Variants in MALRD1 observed in about 807,000 individuals in gnomAD.
MALRD1 encodes MAM and LDL-receptor class A domain-containing protein 1.
In MALRD1, 247 loss-of-function variants were observed where a neutral mutation model predicts 242.1. The observed-to-expected ratio is 1.02, with a 90% CI of 0.92 to 1.13. The LOEUF is 1.13. MALRD1 is among the 50% of genes most tolerant of loss of function. The pLI, the probability that MALRD1 is intolerant of heterozygous loss-of-function variation, is 0.00. For synonymous variants in MALRD1, 995 were observed against 866.6 expected (o/e 1.15, Z -2.60); for missense variants, 2,989 against 2,533.1 (o/e 1.18, Z -3.86).
intron 39 of MALRD1, among the ~76,000 whole-genome samples, chr10:19,732,332 G>A (rs1431870473): frequency 2.0e-5 from 3 of 152,034 alleles, no homozygotes; most frequent in Admixed American, 2.0e-4. Context: ...GTGTGATCTC[G>A]ACTCACTGCA....
At chr10:19,427,124 A>C (rs10508585) in intron 28 of MALRD1, among the ~76,000 whole-genome samples, 2 of 152,062 alleles carry the variant, frequency 1.3e-5, no homozygotes, top group African/African-American at 4.8e-5. Flanking sequence ...TCCATTTTTA[A>C]TCCTTAGAAC....
chr10:19,490,083 G>GGAA (rs573243285), intron 29 of MALRD1, among the ~76,000 whole-genome samples: 31 of 152,144 alleles, frequency 2.0e-4, no homozygotes, highest in Admixed American at 1.8e-3. Context: ...GAAAGTCACT[G>GGAA]GAATCACTTT....
chr10:19,132,764 A>G (rs955757967), intron 8 of MALRD1, among the ~76,000 whole-genome samples: 18 of 152,178 alleles, frequency 1.2e-4, no homozygotes, highest in African/African-American at 4.1e-4. Flanking sequence ...TGCATTCTAT[A>G]TGTAAACATT....
intron 4 of MALRD1, among the ~76,000 whole-genome samples, chr10:19,094,667 C>G (rs1835955071): frequency 6.6e-6 from 1 of 152,162 alleles, no homozygotes; most frequent in Non-Finnish European, 1.5e-5. Context: ...TTTTCTCATG[C>G]TTTTGAGAAA....
intron 38 of MALRD1, among the ~76,000 whole-genome samples, chr10:19,714,548 A>G (rs73595902): frequency 0.067 from 10,259 of 152,032 alleles, 659 homozygotes; most frequent in African/African-American, 0.16. Flanking sequence ...TTGGGCAAGA[A>G]AACAAAAATG....
chr10:19,644,295 G>T (rs1840548925), intron 36 of MALRD1, among the ~76,000 whole-genome samples: 1 of 152,060 alleles, frequency 6.6e-6, no homozygotes, highest in South Asian at 2.1e-4. Flanking sequence ...AAATTCTGTG[G>T]GATACTCTCT....
chr10:19,734,058 A>G (rs1431646932), intron 39 of MALRD1, 99 bp from the exon 40 acceptor site: 2 of 880,580 alleles, frequency 2.3e-6, no homozygotes, highest in African/African-American at 3.4e-5. Flanking sequence ...TCCAGTGAAA[A>G]TCCATTGGGA....
At chr10:19,438,571 C>A (rs1834455357) in intron 28 of MALRD1, among the ~76,000 whole-genome samples, 1 of 152,174 alleles carries the variant, frequency 6.6e-6, no homozygotes, top group East Asian at 1.9e-4. Context: ...TCCTATAGAA[C>A]CTCCATACTG....
At chr10:19,247,657 TA>T (rs1839121822) in intron 18 of MALRD1, among the ~76,000 whole-genome samples, 1 of 151,702 alleles carries the variant, frequency 6.6e-6, no homozygotes, top group African/African-American at 2.4e-5. Context: ...CACATGTAAA[TA>T]ATAAAAAAGA....
intron 21 of MALRD1, among the ~76,000 whole-genome samples, chr10:19,312,889 C>T (rs576471244): frequency 4.5e-4 from 68 of 151,424 alleles, no homozygotes; most frequent in South Asian, 8.3e-4. Context: ...GGCAGGGAAA[C>T]GATCAGTGGC....
At chr10:19,572,988 A>G (rs1836636803) in intron 33 of MALRD1, among the ~76,000 whole-genome samples, 1 of 152,220 alleles carries the variant, frequency 6.6e-6, no homozygotes, top group African/African-American at 2.4e-5. Flanking sequence ...AGCTTGGGAT[A>G]CTTTGTTACT....
At chr10:19,096,804 T>A (rs1440663618) in intron 4 of MALRD1, among the ~76,000 whole-genome samples, 1 of 152,180 alleles carries the variant, frequency 6.6e-6, no homozygotes, top group African/African-American at 2.4e-5. Context: ...ATCCTTCCTT[T>A]AAAAATGTCC....
Position 19,088,054 on chromosome 10 carries a change from A to G in MALRD1, c.466A>G (p.Ser156Gly). Residue 156 changes from serine to glycine, a missense_variant, in exon 4 of 40, where the codon AGT (serine) becomes GGT (glycine). Transcript: ENST00000454679. Reference sequence around the variant, plus strand: ...ATTTTATTACTTCTCCTGCCAAGTGAGTGGCAAATTAATGGTTGGGCTTCA... The same window carrying G: ...ATTTTATTACTTCTCCTGCCAAGTGGGTGGCAAATTAATGGTTGGGCTTCA... ...ITFYYFSCQV[S>G]GKLMVGLQTA... is the part of the protein sequence containing the mutation. The G allele has an allele frequency of 1.6e-6, 2 of 1,233,532 alleles. No homozygotes were observed. Among genetic ancestry groups the G allele is most frequent in the East Asian group, 6.3e-5 (2 of 31,670 alleles). 76.4% of individuals were successfully genotyped at this position (1,233,532 alleles called of 1,614,324 possible).
intron 18 of MALRD1, among the ~76,000 whole-genome samples, chr10:19,232,291 CA>C (rs746435506): frequency 1.6e-4 from 25 of 151,604 alleles, no homozygotes; most frequent in East Asian, 3.9e-4. Flanking sequence ...CTCAGTCTCC[CA>C]AGTAGCTGGG....
chr10:19,720,204 G>A (rs1461770652), intron 38 of MALRD1, among the ~76,000 whole-genome samples: 1 of 152,118 alleles, frequency 6.6e-6, no homozygotes, highest in African/African-American at 2.4e-5. Context: ...TCTCTAAGGC[G>A]TTGTTGTGCT....
intron 28 of MALRD1, among the ~76,000 whole-genome samples, chr10:19,429,935 G>A (rs976410962): frequency 2.0e-5 from 3 of 151,888 alleles, no homozygotes; most frequent in East Asian, 1.9e-4. Context: ...TGTCATAGAC[G>A]CTTTCAGAAT....
intron 38 of MALRD1, among the ~76,000 whole-genome samples, chr10:19,724,423 T>A (rs1168349897): frequency 6.6e-6 from 1 of 152,236 alleles, no homozygotes; most frequent in African/African-American, 2.4e-5. Flanking sequence ...TAAAAAGATG[T>A]TCATTTTGAA....
At chr10:19,729,898 G>A (rs940973468) in intron 38 of MALRD1, among the ~76,000 whole-genome samples, 9 of 151,296 alleles carry the variant, frequency 5.9e-5, no homozygotes, top group African/African-American at 1.2e-4. Context: ...CACCACGCCC[G>A]GCTAATTTTT....
chr10:19,073,411 G>T (rs948266228), intron 2 of MALRD1, among the ~76,000 whole-genome samples: 1 of 152,004 alleles, frequency 6.6e-6, no homozygotes, highest in Non-Finnish European at 1.5e-5. Context: ...AAGACTGCAG[G>T]TTTATCATCC....
Sources: gnomAD v4.1 joint callset for allele counts (sites outside exome capture counted in the v4.1 genomes callset) on GRCh38, gnomAD v4.1.1 for gene constraint, MANE v1.5 for transcripts, NCBI Gene and HGNC (gene_info 2026-07-23, HGNC 2026-07-21) for gene names.